PRMT3: variants seen among roughly 807,000 people sequenced by gnomAD.
The protein encoded by PRMT3 is protein arginine methyltransferase 3, also known as protein arginine N-methyltransferase 3.
PRMT3 carries 62 observed loss-of-function variants against 71.9 expected under a neutral mutation model. The ratio of observed to expected loss-of-function variants is 0.86; its 90% CI spans 0.70 to 1.07. The LOEUF (loss-of-function observed/expected upper bound fraction) is 1.07. Among genes scored for constraint, PRMT3 ranks in the 50% least tolerant of loss-of-function variants. The pLI is 0.00. For missense variants in PRMT3, 663 were observed against 643.0 expected (o/e 1.03, Z -0.34); for synonymous variants, 213 against 220.4 (o/e 0.97, Z 0.30).
At chr11:20,505,865 CAA>C (rs11309284) in intron 15 of PRMT3, among the ~76,000 whole-genome samples, 63 of 141,166 alleles carry the variant, frequency 4.5e-4, no homozygotes, top group Non-Finnish European at 3.0e-4. Flanking sequence ...ATATTTTTAC[CAA>C]AAAAAAAAAA....
chr11:20,388,196 G>A (rs745392069), intron 2 of PRMT3, 42 bp downstream of exon 2: 78 of 1,609,794 alleles, frequency 4.8e-5, no homozygotes, highest in Non-Finnish European at 6.4e-5. Flanking sequence ...TAGGGTGCCC[G>A]GGCGCGTGGG....
At chr11:20,434,940 G>A (rs1849729647) in intron 10 of PRMT3, among the ~76,000 whole-genome samples, 1 of 152,148 alleles carries the variant, frequency 6.6e-6, no homozygotes, top group Non-Finnish European at 1.5e-5. Flanking sequence ...TAGTTTGATA[G>A]GAATAACATT....
intron 13 of PRMT3, among the ~76,000 whole-genome samples, chr11:20,488,245 G>T (rs536267205): frequency 1.3e-5 from 2 of 152,006 alleles, no homozygotes; most frequent in Non-Finnish European, 2.9e-5. Flanking sequence ...CTTCTTAAAC[G>T]CCATTTATTA....
At chr11:20,503,319 T>G (rs1851502100) in intron 15 of PRMT3, among the ~76,000 whole-genome samples, 1 of 152,158 alleles carries the variant, frequency 6.6e-6, no homozygotes, top group African/African-American at 2.4e-5. Flanking sequence ...ATAATTGATC[T>G]TATTTCTCTC....
chr11:20,475,760 T>C (rs1435306050), intron 13 of PRMT3, among the ~76,000 whole-genome samples: 2 of 150,160 alleles, frequency 1.3e-5, no homozygotes, highest in Non-Finnish European at 3.0e-5. Context: ...CTCAAGGAAA[T>C]TCTCCTGCCT....
At chr11:20,477,626 C>T (rs1850824082) in intron 13 of PRMT3, among the ~76,000 whole-genome samples, 1 of 152,042 alleles carries the variant, frequency 6.6e-6, no homozygotes, top group South Asian at 2.1e-4. Flanking sequence ...ATTTACTCTC[C>T]TGAGGATTCA....
At chr11:20,390,000 A>C (rs186510859) in intron 3 of PRMT3, among the ~76,000 whole-genome samples, 174 bp downstream of exon 3, 16 of 152,238 alleles carry the variant, frequency 1.1e-4, no homozygotes, top group South Asian at 2.1e-4. Context: ...AAAATACAAA[A>C]GTTATCTGGG....
At chr11:20,469,224 G>A (rs1850585962) in intron 13 of PRMT3, among the ~76,000 whole-genome samples, 1 of 152,080 alleles carries the variant, frequency 6.6e-6, no homozygotes, top group African/African-American at 2.4e-5. Flanking sequence ...TGATTTTTGT[G>A]GAAAGTTTAT....
intron 13 of PRMT3, among the ~76,000 whole-genome samples, chr11:20,481,507 A>G (rs1850931799): frequency 6.6e-6 from 1 of 152,130 alleles, no homozygotes; most frequent in African/African-American, 2.4e-5. Flanking sequence ...GCCCAGCCAA[A>G]GAAATGGTGA....
chr11:20,427,838 T>C (rs1460413304), intron 10 of PRMT3, among the ~76,000 whole-genome samples: 1 of 137,464 alleles, frequency 7.3e-6, no homozygotes, highest in Admixed American at 7.6e-5. Context: ...AAATAATTTT[T>C]TTCCTTAAAG....
chr11:20,422,998 A>AGGAC (rs1849460544), intron 9 of PRMT3, among the ~76,000 whole-genome samples: 1 of 152,270 alleles, frequency 6.6e-6, no homozygotes, highest in South Asian at 2.1e-4. Context: ...TAGGGAAGGA[A>AGGAC]GGACCGAAGC....
rs1849693883 is a variant in PRMT3, at chr11:20,433,317, G to T, written c.993+6452G>T. Among the ~76,000 whole-genome samples the T allele has an allele frequency of 1.3e-5, 2 of 152,004 alleles. 1 individual carries two copies. The highest frequency in any genetic ancestry group is 4.2e-4 in the South Asian group (2 of 4,806). ...GAGAACATGTGGTATTTGGTTTTCT[G>T]TTGCTGTATTAGTTTGCTAAAGATA... On this transcript the variant is annotated intron_variant, in intron 10 of 15. Coordinates refer to ENST00000331079, the MANE Select transcript of PRMT3 (RefSeq NM_005788.4).
chr11:20,420,024 T>G (rs1370378029), intron 9 of PRMT3, among the ~76,000 whole-genome samples: 1 of 152,050 alleles, frequency 6.6e-6, no homozygotes, highest in African/African-American at 2.4e-5. Flanking sequence ...ATACAAAAAT[T>G]AGCCCAGCAT....
At chr11:20,449,233 C>G (rs1850096756) in intron 10 of PRMT3, among the ~76,000 whole-genome samples, 1 of 152,122 alleles carries the variant, frequency 6.6e-6, no homozygotes, top group African/African-American at 2.4e-5. Context: ...CTAGTATTTG[C>G]ATTGATTTTT....
intron 13 of PRMT3, among the ~76,000 whole-genome samples, chr11:20,465,485 T>C (rs1850490604): frequency 6.6e-6 from 1 of 152,048 alleles, no homozygotes; most frequent in South Asian, 2.1e-4. Flanking sequence ...GTCTTCTGCC[T>C]GATTCTTTTA....
intron 5 of PRMT3, among the ~76,000 whole-genome samples, 187 bp downstream of exon 5, chr11:20,393,186 C>T (rs1224765356): frequency 1.3e-5 from 2 of 152,188 alleles, no homozygotes; most frequent in African/African-American, 2.4e-5. Context: ...TGGCGGCTCA[C>T]GCCTGTAATC....
At chr11:20,390,948 G>T (rs1182879517) in intron 3 of PRMT3, among the ~76,000 whole-genome samples, 1 of 152,082 alleles carries the variant, frequency 6.6e-6, no homozygotes, top group Non-Finnish European at 1.5e-5. Flanking sequence ...TACTTGGGAG[G>T]CTGAGGCAGG....
Position 20,488,085 on chromosome 11 carries a change from C to G in PRMT3, c.1348-5834C>G, listed in dbSNP as rs571008574. Reference sequence around the variant, plus strand: ...TATATGGCACTTAATGTGTATTGTTCCCTAGAGGAGAATCATGAAAGAAAA... The same window carrying G: ...TATATGGCACTTAATGTGTATTGTTGCCTAGAGGAGAATCATGAAAGAAAA... On this transcript the variant is annotated intron_variant, in intron 13 of 15. Transcript: ENST00000331079. Among the ~76,000 whole-genome samples, 38 of 152,048 alleles carry G rather than the reference C, an allele frequency of 2.5e-4. 1 individual carries two copies. In the South Asian group the frequency reaches 3.7e-3, roughly 15 times the overall value.
intron 9 of PRMT3, among the ~76,000 whole-genome samples, chr11:20,419,763 A>G (rs954871945): frequency 1.3e-5 from 2 of 152,192 alleles, no homozygotes; most frequent in Non-Finnish European, 1.5e-5. Flanking sequence ...TCAAGAATCA[A>G]GCATCATTAT....
Sources: gnomAD v4.1 joint callset for allele counts (sites outside exome capture counted in the v4.1 genomes callset) on GRCh38, gnomAD v4.1.1 for gene constraint, MANE v1.5 for transcripts, NCBI Gene and HGNC (gene_info 2026-07-23, HGNC 2026-07-21) for gene names.